AVL9: variants seen among roughly 807,000 people sequenced by gnomAD.
AVL9 encodes the protein late secretory pathway protein AVL9 homolog.
AVL9 carries 49 observed loss-of-function variants against 79.2 expected under a neutral mutation model. The observed-to-expected ratio is 0.62, with a 90% CI of 0.49 to 0.79. The LOEUF is 0.79. Among genes scored for constraint, AVL9 ranks in the 30% least tolerant of loss-of-function variants. The pLI, the probability that AVL9 is intolerant of heterozygous loss-of-function variation, is 0.00. For synonymous variants in AVL9, 299 were observed against 280.6 expected, an observed-to-expected ratio of 1.07 and a Z score of -0.65; for missense variants, 682 against 776.8, an observed-to-expected ratio of 0.88 and a Z score of 1.45.
intron 1 of AVL9, among the ~76,000 whole-genome samples, chr7:32,502,472 C>A (rs1004755068): frequency 3.3e-5 from 5 of 150,734 alleles, no homozygotes; most frequent in Non-Finnish European, 5.9e-5. Context: ...TGAAATATAC[C>A]ATTAATATTT....
intron 1 of AVL9, chr7:32,536,587 A>C (rs575150078): frequency 6.6e-6 from 1 of 152,244 alleles, no homozygotes; most frequent in South Asian, 2.1e-4. Flanking sequence ...TCAGATAGCA[A>C]CTGGGCATTC....
chr7:32,566,042 T>G (rs1790549699), intron 10 of AVL9, among the ~76,000 whole-genome samples: 1 of 146,960 alleles, frequency 6.8e-6, no homozygotes. Context: ...AAGGCTGAGG[T>G]GGGAGGATCA....
intron 9 of AVL9, 136 bp downstream of exon 9, chr7:32,558,764 A>G: frequency 1.0e-6 from 1 of 977,184 alleles, no homozygotes; most frequent in South Asian, 1.9e-5. Flanking sequence ...TTTTGGAAAT[A>G]GGTTTCTCTC....
At chr7:32,517,288 T>C (rs1372512034) in intron 1 of AVL9, among the ~76,000 whole-genome samples, 1 of 151,724 alleles carries the variant, frequency 6.6e-6, no homozygotes, top group Non-Finnish European at 1.5e-5. Flanking sequence ...GACAGTAAAA[T>C]CTTTTTTTCT....
chr7:32,519,261 T>C (rs886568849), intron 1 of AVL9, among the ~76,000 whole-genome samples: 6 of 152,052 alleles, frequency 3.9e-5, no homozygotes, highest in African/African-American at 1.4e-4. Flanking sequence ...ACCCCATCTC[T>C]ACTAAAAATA....
intron 1 of AVL9, among the ~76,000 whole-genome samples, chr7:32,521,924 G>C (rs1484536895): frequency 6.6e-6 from 1 of 152,228 alleles, no homozygotes; most frequent in African/African-American, 2.4e-5. Flanking sequence ...GTACAGCTCA[G>C]GTTGTGGCCT....
intron 10 of AVL9, among the ~76,000 whole-genome samples, chr7:32,559,710 C>G (rs1038745747): frequency 6.6e-6 from 1 of 152,104 alleles, no homozygotes; most frequent in South Asian, 2.1e-4. Context: ...TATGCACAAT[C>G]ACTCTCTTGG....
At chr7:32,503,591 T>C (rs1206768701) in intron 1 of AVL9, among the ~76,000 whole-genome samples, 2 of 146,938 alleles carry the variant, frequency 1.4e-5, no homozygotes, top group African/African-American at 2.5e-5. Context: ...ATTTGAAATA[T>C]GGCACTCTGC....
chr7:32,519,650 TAAAG>T (rs139965877), intron 1 of AVL9, among the ~76,000 whole-genome samples: 4,978 of 152,258 alleles, frequency 0.033, 111 homozygotes, highest in Non-Finnish European at 0.052. Context: ...GTAGTAATAT[TAAAG>T]AAGTAAAAAA....
intron 1 of AVL9, among the ~76,000 whole-genome samples, chr7:32,516,582 C>G (rs978842175): frequency 6.6e-5 from 10 of 152,034 alleles, no homozygotes; most frequent in Non-Finnish European, 1.0e-4. Flanking sequence ...TACAGGGAAT[C>G]CCCAACAAAA....
At position 32,552,304 on chromosome 7, in the gene AVL9, C is replaced by T. The variant is rs1789869297; in HGVS notation, c.529+9C>T. 6.4e-7 allele frequency: 1 copy of T among 1,558,382 alleles called. No homozygotes were observed. Among genetic ancestry groups the T allele is most frequent in the Non-Finnish European group, 8.8e-7 (1 of 1,131,750 alleles). Reference sequence around the variant, plus strand: ...ATCCCAAGTATATCTTGGTAAGTAACTGACTTACAAGTTAAAAGAGATCCC... The same window carrying T: ...ATCCCAAGTATATCTTGGTAAGTAATTGACTTACAAGTTAAAAGAGATCCC... On this transcript the variant is annotated intron_variant, in intron 6 of 15. Transcript: ENST00000318709.
intron 1 of AVL9, among the ~76,000 whole-genome samples, chr7:32,525,572 A>AC (rs1788366219): frequency 6.6e-6 from 1 of 152,144 alleles, no homozygotes; most frequent in Non-Finnish European, 1.5e-5. Context: ...ACTAGATTTC[A>AC]CCCCTAACTT....
In AVL9 at chr7:32,580,845, A is replaced by C; in HGVS notation, c.1786A>C (p.Met596Leu). The change falls in exon 15 of 16, where the codon ATG (methionine) becomes CTG (leucine). Residue 596 changes from methionine to leucine, a missense_variant. Physicochemically the swap from Met to Leu is conservative, Grantham distance 15. Transcript: ENST00000318709. ...ACGTGGCAAAAAAATTGGAAACGTC[A>C]TGGTCACAACTAGCCGGAATGTTGT... ...SERGKKIGNV[M>L]VTTSRNVVQT... 6.2e-7 allele frequency: 1 copy of C among 1,613,966 alleles called. No individual in the cohort carries two copies. Among genetic ancestry groups the C allele is most frequent in the South Asian group, 1.1e-5 (1 of 91,046 alleles).
chr7:32,571,201 C>T (rs1172049629), intron 11 of AVL9, among the ~76,000 whole-genome samples: 5 of 140,888 alleles, frequency 3.5e-5, no homozygotes, highest in Admixed American at 3.0e-4. Flanking sequence ...CACTGCACTC[C>T]AGCCTGGGTG....
At chr7:32,503,754 T>A (rs961599634) in intron 1 of AVL9, among the ~76,000 whole-genome samples, 1 of 151,698 alleles carries the variant, frequency 6.6e-6, no homozygotes, top group Non-Finnish European at 1.5e-5. Flanking sequence ...ATGATCTTCG[T>A]TCACTGCATC....
intron 3 of AVL9, 50 bp from the exon 4 acceptor site, chr7:32,548,797 G>A: frequency 7.9e-7 from 1 of 1,262,774 alleles, no homozygotes; most frequent in Non-Finnish European, 1.1e-6. Context: ...AAATATTTTT[G>A]AAATATTGCT....
Position 32,538,239 on chromosome 7 carries a change from T to A in AVL9, c.94-4902T>A, listed in dbSNP as rs865882597. 3.9e-5 allele frequency: 6 copies of A among 152,288 alleles called. 1 individual carries two copies. The highest frequency in any genetic ancestry group is 4.1e-4 in the South Asian group (2 of 4,834). 9.4% of individuals were successfully genotyped at this position (152,288 alleles called of 1,614,324 possible). A position where few individuals can be genotyped will look rare whatever the true frequency, so the allele number is the denominator to read the frequency against. ...TAAATCTTCAGAACAGAAGATAGATTTCTACACCTGCCCTTAACTCCAAGA... is the reference window on the plus strand; with the variant it reads ...TAAATCTTCAGAACAGAAGATAGATATCTACACCTGCCCTTAACTCCAAGA... On this transcript the variant is annotated intron_variant, in intron 1 of 15. Coordinates refer to ENST00000318709, the MANE Select transcript of AVL9 (RefSeq NM_015060.3).
chr7:32,577,394 A>C (rs569368849), intron 13 of AVL9, among the ~76,000 whole-genome samples: 1 of 152,358 alleles, frequency 6.6e-6, no homozygotes, highest in South Asian at 2.1e-4. Flanking sequence ...AATATAGTAA[A>C]AACAGAATTA....
chr7:32,570,077 A>G lies in AVL9; in HGVS notation c.1273A>G (p.Thr425Ala), dbSNP rs150467272. The change falls in exon 11 of 16, where the codon ACC becomes GCC. Residue 425 changes from threonine (T) to alanine (A), a missense_variant. Physicochemically the swap from Thr to Ala is moderately conservative, Grantham distance 58 (BLOSUM62 0). Coordinates refer to ENST00000318709, the MANE Select transcript of AVL9 (RefSeq NM_015060.3). ...GCAGCATCATCTTCTCTCCGATGTC[A>G]CCGTTCGGGGGTTTGTTGCTGGAGC... ...LQQHHLLSDVTVRGFVAGATN... is the reference protein window; with the variant it reads ...LQQHHLLSDVAVRGFVAGATN... The G allele has an allele frequency of 8.0e-4, 1,298 of 1,614,112 alleles. 1 individual carries two copies. Among genetic ancestry groups the G allele is most frequent in the Non-Finnish European group, 9.9e-4 (1,167 of 1,180,016 alleles).
Sources: gnomAD v4.1 joint callset for allele counts (sites outside exome capture counted in the v4.1 genomes callset) on GRCh38, gnomAD v4.1.1 for gene constraint, MANE v1.5 for transcripts, NCBI Gene and HGNC (gene_info 2026-07-23, HGNC 2026-07-21) for gene names.